The following DACT3 variants were observed in gnomAD, a reference collection of about 807,000 sequenced individuals.
The protein encoded by DACT3 is dishevelled binding antagonist of beta catenin 3.
DACT3 carries 5 observed loss-of-function variants against 19.6 expected under a neutral mutation model. The observed-to-expected ratio is 0.26, with a 90% CI of 0.13 to 0.54. The LOEUF (loss-of-function observed/expected upper bound fraction) is 0.54, where lower values mean the gene tolerates loss of function less well. DACT3 is among the 20% of genes least tolerant of loss of function. The probability of loss-of-function intolerance (pLI) is 0.95; values close to 1 mark genes in which losing one functional copy is unlikely to be tolerated. For synonymous variants in DACT3, 454 were observed against 428.1 expected (o/e 1.06, Z -0.75); for missense variants, 908 against 927.4 (o/e 0.98, Z 0.27).
intron 1 of DACT3, chr19:46,654,003 C>T (rs1250130354): frequency 2.0e-6 from 2 of 985,404 alleles, no homozygotes; most frequent in South Asian, 4.7e-5. Flanking sequence ...GACTCATAAA[C>T]GTCTTTGCTC....
rs968909922 is a variant in DACT3 at position 46,651,741 on chromosome 19, C to T, written c.499+919G>A. 2.0e-5 allele frequency: 3 copies of T among 148,894 alleles called. No homozygotes were observed. In the Admixed American group the frequency reaches 2.0e-4, roughly 10 times the overall value. The allele number at this position is 148,894 out of a possible 1,614,324, so 9.2% of individuals were successfully genotyped here. On this transcript the variant is annotated intron_variant, in intron 3 of 3. Coordinates refer to ENST00000391916, the MANE Select transcript of DACT3 (RefSeq NM_145056.3). ...TTGAGGCAGAGTCTTGCTCTGTCACCCAGGCTGGAGCGCAGTGACACCATC... is the reference window on the plus strand; with the variant it reads ...TTGAGGCAGAGTCTTGCTCTGTCACTCAGGCTGGAGCGCAGTGACACCATC...
Position 46,649,520 on chromosome 19 carries a change from G to A in DACT3, c.852C>T (p.Ser284=). Residue 284 remains serine, a synonymous_variant, in exon 4 of 4, where the codon AGC becomes AGT. Transcript: ENST00000391916. ...ACGCGTCGGGCGGCCGCTGGCGCAC[G>A]CTGTTCTGGCGCCGCGGGCCGCCGT... ...GADGGPRRQN[S]VRQRPPDASP... 3 of 1,076,084 alleles carry A rather than the reference G, an allele frequency of 2.8e-6. No homozygotes were observed. Among genetic ancestry groups the A allele is most frequent in the African/African-American group, 1.7e-5 (1 of 58,842 alleles). 66.7% of individuals were successfully genotyped at this position (1,076,084 alleles called of 1,614,324 possible).
At chr19:46,654,829 G>A (rs1373222011) in intron 1 of DACT3, 9 of 200,954 alleles carry the variant, frequency 4.5e-5, no homozygotes, top group East Asian at 2.5e-4. Flanking sequence ...CAACCCCCCC[G>A]CCCCATCCCA....
At position 46,648,921 on chromosome 19, in the gene DACT3, G is replaced by A; in HGVS notation, c.1451C>T (p.Ala484Val). The A allele has an allele frequency of 7.4e-7, 1 of 1,359,916 alleles. No individual in the cohort carries two copies. The highest frequency in any genetic ancestry group is 9.4e-7 in the Non-Finnish European group (1 of 1,063,398). The allele number at this position is 1,359,916 out of a possible 1,614,324, so 84.2% of individuals were successfully genotyped here. ...GGGCCGCACGCGGCGCCCATCGGCA[G>A]CGTCGATCTCCGCAGTGGAGCGCCA... ...RRWRSTAEIDAADGRRVRPRA... is the reference protein window; with the variant it reads ...RRWRSTAEIDVADGRRVRPRA... The change falls in exon 4 of 4, where the codon GCT (alanine) becomes GTT (valine). Residue 484 changes from alanine (A) to valine (V), a missense_variant. Transcript: ENST00000391916. This position sits in a 1 kb window ranked among gnomAD's most constrained non-coding sequence, Gnocchi z 5.1.
Position 46,652,783 on chromosome 19 carries a change from C to T in DACT3, c.376G>A (p.Gly126Ser). ...AAGGTTGAGGGTGGTGAATCTGGAC[C>T]TCCTGTAGAGCTGGGATCTTCATAG... The part of the protein sequence containing the change: ...GFYEDPSSTG[G>S]PDSPPSTFCG... The change falls in exon 3 of 4, where the codon GGT becomes AGT. Residue 126 changes from glycine (G) to serine (S), a missense_variant. Around this residue, in one of 2 missense-constraint regions of DACT3, gnomAD observed 252 missense variants for 325.6 expected, o/e 0.77. Coordinates refer to ENST00000391916, the MANE Select transcript of DACT3 (RefSeq NM_145056.3). 6.4e-7 allele frequency: 1 copy of T among 1,551,580 alleles called. No homozygotes were observed. Among genetic ancestry groups the T allele is most frequent in the African/African-American group, 1.4e-5 (1 of 73,158 alleles).
intron 1 of DACT3, among the ~76,000 whole-genome samples, chr19:46,656,171 T>C (rs969934678): frequency 6.7e-6 from 1 of 149,130 alleles, no homozygotes; most frequent in African/African-American, 2.5e-5. Context: ...TGCCTCAGCC[T>C]CCCAAGCAGG....
In DACT3 at chr19:46,648,366, GGGTCTTTGGAAGCAGAGAAAACGAT is replaced by G; in HGVS notation, c.*91_*115del. 1 of 1,539,048 alleles carries G rather than the reference GGGTCTTTGGAAGCAGAGAAAACGAT, an allele frequency of 6.5e-7. No homozygotes were observed. Among genetic ancestry groups the G allele is most frequent in the Non-Finnish European group, 8.8e-7 (1 of 1,132,234 alleles). On this transcript the variant is annotated 3_prime_UTR_variant, in exon 4 of 4. Transcript: ENST00000391916. The surrounding 1 kb of genome is among the most constrained non-coding windows in gnomAD (Gnocchi z 5.1). ...CTGTTAGGAGTGGGGAGAGTGAGGG[GGGTCTTTGGAAGCAGAGAAAACGAT>G]GGTCTTTGGAAGGTAGATGTGGAAG...
intron 1 of DACT3, chr19:46,659,533 AGGGGGTGG>A: frequency 1.3e-6 from 1 of 791,008 alleles, no homozygotes; most frequent in Non-Finnish European, 1.5e-6. Flanking sequence ...TAACTTTGGG[AGGGGGTGG>A]GGCCTCCCAC....
rs1368573825 is a variant in DACT3, at chr19:46,648,870, C to T, written c.1502G>A (p.Gly501Asp). The change falls in exon 4 of 4, where the codon GGC becomes GAC. Residue 501 changes from glycine to aspartate, a missense_variant. Transcript: ENST00000391916. This position sits in a 1 kb window ranked among gnomAD's most constrained non-coding sequence, Gnocchi z 5.1. ...RPRAPAARVP[G>D]PGPSPSAPQR... ...GGGAGCTGACGGGGACGGGCCGGGG[C>T]CGGGAACACGCGCCGCAGGGGCTCG... 7 of 1,417,080 alleles carry T rather than the reference C, an allele frequency of 4.9e-6. No homozygotes were observed. Among genetic ancestry groups the T allele is most frequent in the African/African-American group, 1.5e-5 (1 of 65,716 alleles). The allele number at this position is 1,417,080 out of a possible 1,614,324, so 87.8% of individuals were successfully genotyped here. A position where few individuals can be genotyped will look rare whatever the true frequency, so the allele number is the denominator to read the frequency against.
At position 46,649,069 on chromosome 19, in the gene DACT3, A is replaced by G; in HGVS notation, c.1303T>C (p.Ser435Pro). 2 of 1,292,186 alleles carry G rather than the reference A, an allele frequency of 1.5e-6. No individual in the cohort carries two copies. The highest frequency in any genetic ancestry group is 2.2e-5 in the South Asian group (1 of 46,054). 80.0% of individuals were successfully genotyped at this position (1,292,186 alleles called of 1,614,324 possible). A position where few individuals can be genotyped will look rare whatever the true frequency, so the allele number is the denominator to read the frequency against. ...TTAGGGGGCCCCGAAGGGACCGCGG[A>G]GGCGCGGCCCAGCAGGCTGGTCTCA... is the stretch of plus-strand genomic sequence containing the variant. ...QSETSLLGRASAVPSGPPKYP... is the reference protein window; with the variant it reads ...QSETSLLGRAPAVPSGPPKYP... Residue 435 changes from serine to proline, a missense_variant, in exon 4 of 4, where the codon TCC becomes CCC. This residue lies in a region of DACT3 where 656 missense variants were observed against 601.8 expected (regional missense o/e 1.09). Transcript: ENST00000391916.
In DACT3 at chr19:46,649,128, G is replaced by A; in HGVS notation, c.1244C>T (p.Ser415Leu). 2 of 1,273,324 alleles carry A rather than the reference G, an allele frequency of 1.6e-6. No individual in the cohort carries two copies. The highest frequency in any genetic ancestry group is 9.9e-7 in the Non-Finnish European group (1 of 1,011,882). The allele number at this position is 1,273,324 out of a possible 1,614,324, so 78.9% of individuals were successfully genotyped here. A position where few individuals can be genotyped will look rare whatever the true frequency, so the allele number is the denominator to read the frequency against. The change falls in exon 4 of 4, where the codon TCG (serine) becomes TTG (leucine). Residue 415 changes from serine to leucine, a missense_variant. Physicochemically the swap from Ser to Leu is moderately radical, Grantham distance 145. This residue lies in a region of DACT3 where 656 missense variants were observed against 601.8 expected (regional missense o/e 1.09). Transcript: ENST00000391916. ...GCGCGAGGCCTTGCGGGCCCTGGGC[G>A]AGCCGCGGCGGCCCGAAGCCTCGGC... ...RMAEASGRRG[S>L]PRARKASRSQ...
In DACT3 at chr19:46,652,891, TGG is replaced by T. The variant is rs1453862853; in HGVS notation, c.347-81_347-80del. On this transcript the variant is annotated intron_variant, in intron 2 of 3. Coordinates refer to ENST00000391916, the MANE Select transcript of DACT3 (RefSeq NM_145056.3). ...GAGCTGGGGAAAGGAGGAGATGGCG[TGG>T]GGAGAGACACAGGGGGCCTCAGAAA... 6 of 1,540,122 alleles carry T rather than the reference TGG, an allele frequency of 3.9e-6. No homozygotes were observed. In the Admixed American group the frequency reaches 5.9e-5, roughly 15 times the overall value.
At position 46,660,721 on chromosome 19, in the gene DACT3, C is replaced by T; in HGVS notation, c.249+95G>A. On this transcript the variant is annotated intron_variant, in intron 1 of 3. Transcript: ENST00000391916. The surrounding 1 kb of genome is among the most constrained non-coding windows in gnomAD (Gnocchi z 4.9). ...CTGTCCTTTCTCACTCCCTGCCTACCCGGGTCCCCAACCCCCGCCCGGTGT... is the reference window on the plus strand; with the variant it reads ...CTGTCCTTTCTCACTCCCTGCCTACTCGGGTCCCCAACCCCCGCCCGGTGT... 2 of 1,399,936 alleles carry T rather than the reference C, an allele frequency of 1.4e-6. No individual in the cohort carries two copies. Among genetic ancestry groups the T allele is most frequent in the Middle Eastern group, 2.2e-4 (1 of 4,554 alleles). 86.7% of individuals were successfully genotyped at this position (1,399,936 alleles called of 1,614,324 possible). A position where few individuals can be genotyped will look rare whatever the true frequency, so the allele number is the denominator to read the frequency against.
chr19:46,648,193 T>C lies in DACT3; in HGVS notation c.*289A>G, dbSNP rs146916387. 8 of 430,480 alleles carry C rather than the reference T, an allele frequency of 1.9e-5. No individual in the cohort carries two copies. Among genetic ancestry groups the C allele is most frequent in the East Asian group, 1.7e-4 (4 of 23,294 alleles). 26.7% of individuals were successfully genotyped at this position (430,480 alleles called of 1,614,324 possible). On this transcript the variant is annotated 3_prime_UTR_variant, in exon 4 of 4. Coordinates refer to ENST00000391916, the MANE Select transcript of DACT3 (RefSeq NM_145056.3). This position sits in a 1 kb window ranked among gnomAD's most constrained non-coding sequence, Gnocchi z 5.1. ...AACCGAATTACCCCTTTTGCATACATGGACACTTACTGTACAGATGAGGAA... is the reference window on the plus strand; with the variant it reads ...AACCGAATTACCCCTTTTGCATACACGGACACTTACTGTACAGATGAGGAA...
In DACT3 at chr19:46,660,433, C is replaced by T. The variant is rs1206546487; in HGVS notation, c.249+383G>A. On this transcript the variant is annotated intron_variant, in intron 1 of 3. Coordinates refer to ENST00000391916, the MANE Select transcript of DACT3 (RefSeq NM_145056.3). This position sits in a 1 kb window ranked among gnomAD's most constrained non-coding sequence, Gnocchi z 4.9. ...GGTGAGTCGCTTGCTCTCTCTGAGC[C>T]TCAATTTGTTTCTCTGTTAAATGGG... 1 of 189,022 alleles carries T rather than the reference C, an allele frequency of 5.3e-6. No individual in the cohort carries two copies. Among genetic ancestry groups the T allele is most frequent in the Admixed American group, 6.3e-5 (1 of 15,926 alleles). 11.7% of individuals were successfully genotyped at this position (189,022 alleles called of 1,614,324 possible).
chr19:46,654,448 T>C, intron 1 of DACT3: 1 of 798,976 alleles, frequency 1.3e-6, no homozygotes, highest in Non-Finnish European at 1.5e-6. Context: ...ATCACACCAT[T>C]GCACTCCAGC....
Position 46,661,033 on chromosome 19 carries a change from G to A in DACT3, c.32C>T (p.Pro11Leu), listed in dbSNP as rs2053072039. 2 of 1,518,240 alleles carry A rather than the reference G, an allele frequency of 1.3e-6. No individual in the cohort carries two copies. The highest frequency in any genetic ancestry group is 1.8e-6 in the Non-Finnish European group (2 of 1,139,134). 94.0% of individuals were successfully genotyped at this position (1,518,240 alleles called of 1,614,324 possible). Residue 11 changes from proline (P) to leucine (L), a missense_variant, in exon 1 of 4, where the codon CCT (proline) becomes CTT (leucine). Physicochemically the swap from Pro to Leu is moderately conservative, Grantham distance 98 (BLOSUM62 -3). This residue lies in a region of DACT3 where 252 missense variants were observed against 325.6 expected (regional missense o/e 0.77). Transcript: ENST00000391916. The part of the protein sequence containing the change: MIRAFSFPVS[P>L]ERGRLRGWLE... ...CCAGCCCCGCAGCCGGCCCCGCTCAGGGCTCACCGGGAACGAGAAGGCCCG... is the reference window on the plus strand; with the variant it reads ...CCAGCCCCGCAGCCGGCCCCGCTCAAGGCTCACCGGGAACGAGAAGGCCCG...
At chr19:46,650,313 G>T (rs1276210543) in intron 3 of DACT3, 1 of 151,882 alleles carries the variant, frequency 6.6e-6, no homozygotes, top group African/African-American at 2.4e-5. Flanking sequence ...TAGTAGAGAC[G>T]GGGTTTCACC....
Position 46,660,088 on chromosome 19 carries a change from A to G in DACT3, c.249+728T>C, listed in dbSNP as rs974526751. Among the ~76,000 whole-genome samples, 2 of 152,160 alleles carry G rather than the reference A, an allele frequency of 1.3e-5. No homozygotes were observed. The highest frequency in any genetic ancestry group is 2.9e-5 in the Non-Finnish European group (2 of 67,998). On this transcript the variant is annotated intron_variant, in intron 1 of 3. Transcript: ENST00000391916. This position sits in a 1 kb window ranked among gnomAD's most constrained non-coding sequence, Gnocchi z 4.9. Reference sequence around the variant, plus strand: ...CAAGTCATTCCGGAGACCTCTGCCCATCTTCCACCATGAGAACACCCAGAG... The same window carrying G: ...CAAGTCATTCCGGAGACCTCTGCCCGTCTTCCACCATGAGAACACCCAGAG...
Sources: allele counts gnomAD v4.1 joint callset (sites outside exome capture counted in the v4.1 genomes callset), GRCh38; gene constraint gnomAD v4.1.1; regional missense constraint gnomAD v4.1.1; non-coding constraint Gnocchi (gnomAD v3.1); transcripts MANE v1.5; gene names NCBI Gene and HGNC (gene_info 2026-07-23, HGNC 2026-07-21).